FBXL17: variants seen among roughly 807,000 people sequenced by gnomAD.
FBXL17 encodes F-box/LRR-repeat protein 17.
In FBXL17, 22 loss-of-function variants were observed where a neutral mutation model predicts 66.2. The observed-to-expected ratio is 0.33, with a 90% CI of 0.24 to 0.47. FBXL17 has a LOEUF of 0.47. Ranked by LOEUF, FBXL17 falls within the 20% of genes least tolerant of loss-of-function variation. The pLI, the probability that FBXL17 is intolerant of heterozygous loss-of-function variation, is 1.00. For synonymous variants in FBXL17, 474 were observed against 400.5 expected (o/e 1.18, Z -2.19); for missense variants, 878 against 948.2 (o/e 0.93, Z 0.97).
At chr5:108,248,367 T>C (rs377719424) in intron 4 of FBXL17, among the ~76,000 whole-genome samples, 3 of 150,620 alleles carry the variant, frequency 2.0e-5, no homozygotes, top group Admixed American at 1.3e-4. Context: ...GACAGAGGAG[T>C]CAGTGAACCT....
At chr5:108,004,418 AATC>A (rs1417814781) in intron 7 of FBXL17, among the ~76,000 whole-genome samples, 33 of 152,210 alleles carry the variant, frequency 2.2e-4, no homozygotes, top group African/African-American at 8.0e-4. Flanking sequence ...ATATTTCTAA[AATC>A]ATTACATGAT....
chr5:108,366,028 T>C (rs1580899410), intron 2 of FBXL17, among the ~76,000 whole-genome samples: 1 of 152,284 alleles, frequency 6.6e-6, no homozygotes, highest in South Asian at 2.1e-4. Context: ...TAATGTTATA[T>C]GAAAATTCAC....
At chr5:108,096,073 T>C (rs1321904446) in intron 6 of FBXL17, among the ~76,000 whole-genome samples, 2 of 152,228 alleles carry the variant, frequency 1.3e-5, no homozygotes, top group African/African-American at 2.4e-5. Flanking sequence ...AAAACTGTTA[T>C]ACGCTTGTTT....
At chr5:108,040,231 T>C (rs1430989429) in intron 6 of FBXL17, among the ~76,000 whole-genome samples, 6 of 152,240 alleles carry the variant, frequency 3.9e-5, no homozygotes, top group South Asian at 2.1e-4. Flanking sequence ...AACAGCTTAC[T>C]TGTGAAAAAG....
At chr5:108,145,547 C>G (rs1242003701) in intron 6 of FBXL17, among the ~76,000 whole-genome samples, 1 of 152,122 alleles carries the variant, frequency 6.6e-6, no homozygotes, top group African/African-American at 2.4e-5. Context: ...CTTTCATTTA[C>G]TAACGCAGAA....
chr5:108,239,656 G>C (rs1474656623), intron 4 of FBXL17, among the ~76,000 whole-genome samples: 1 of 152,112 alleles, frequency 6.6e-6, no homozygotes, highest in Non-Finnish European at 1.5e-5. Flanking sequence ...TCCTAAGCAA[G>C]TCTTGTGCTG....
chr5:108,321,443 T>A (rs969464128), intron 4 of FBXL17, among the ~76,000 whole-genome samples: 1 of 151,820 alleles, frequency 6.6e-6, no homozygotes, highest in Admixed American at 6.6e-5. Context: ...CAGAAGATCT[T>A]TCCATACTGT....
chr5:107,932,845 C>G (rs1750776517), intron 7 of FBXL17, among the ~76,000 whole-genome samples: 1 of 148,940 alleles, frequency 6.7e-6, no homozygotes, highest in Non-Finnish European at 1.5e-5. Context: ...CCATCACTGC[C>G]AAAACCAACG....
intron 6 of FBXL17, among the ~76,000 whole-genome samples, chr5:108,143,001 T>A (rs1467740023): frequency 6.6e-6 from 1 of 150,732 alleles, no homozygotes; most frequent in Non-Finnish European, 1.5e-5. Flanking sequence ...ATAATAATAA[T>A]AAAAGATTCT....
intron 6 of FBXL17, among the ~76,000 whole-genome samples, chr5:108,101,946 A>G (rs927302597): frequency 2.6e-5 from 4 of 152,194 alleles, no homozygotes; most frequent in African/African-American, 9.6e-5. Context: ...AAAGTGGCAC[A>G]TTTGACAGAG....
At chr5:107,977,942 G>T (rs143700877) in intron 7 of FBXL17, among the ~76,000 whole-genome samples, 81 of 152,294 alleles carry the variant, frequency 5.3e-4, no homozygotes, top group African/African-American at 1.9e-3. Context: ...AAAGCTAGCT[G>T]GAGACCCATG....
intron 7 of FBXL17, among the ~76,000 whole-genome samples, chr5:108,003,286 T>TGAAACTGAAAGTAGTCCAAACTGCCCAA (rs1334841729): frequency 6.6e-6 from 1 of 152,118 alleles, no homozygotes; most frequent in South Asian, 2.1e-4. Flanking sequence ...GCCCAAGAAC[T>TGAAACTGAAAGTAGTCCAAACTGCCCAA]GAAACTGAAA....
chr5:108,165,250 A>G (rs529861849), intron 6 of FBXL17, among the ~76,000 whole-genome samples: 3 of 152,194 alleles, frequency 2.0e-5, no homozygotes, highest in Non-Finnish European at 4.4e-5. Flanking sequence ...AGTGACAGGC[A>G]CCAATTGCAA....
chr5:108,186,280 G>A (rs1440147718), intron 5 of FBXL17, 33 bp from the exon 6 acceptor site: 1 of 1,589,920 alleles, frequency 6.3e-7, no homozygotes, highest in Non-Finnish European at 8.6e-7. Flanking sequence ...AGATGAAAAA[G>A]GTAAATGCTA....
chr5:107,912,632 C>T (rs1580706383), intron 7 of FBXL17, among the ~76,000 whole-genome samples: 1 of 152,032 alleles, frequency 6.6e-6, no homozygotes, highest in African/African-American at 2.4e-5. Context: ...TGGGTACATA[C>T]ATATAAATAT....
At chr5:108,074,571 T>C (rs1748471735) in intron 6 of FBXL17, among the ~76,000 whole-genome samples, 1 of 152,138 alleles carries the variant, frequency 6.6e-6, no homozygotes. Context: ...CCTTTTAAAG[T>C]ACACATGAAA....
intron 6 of FBXL17, among the ~76,000 whole-genome samples, chr5:108,101,975 A>C (rs1032874099): frequency 1.3e-5 from 2 of 152,204 alleles, no homozygotes; most frequent in East Asian, 1.9e-4. Context: ...GAATGGGTTC[A>C]CAGGTTCCCA....
At chr5:108,375,417 A>C (rs997120186) in intron 1 of FBXL17, among the ~76,000 whole-genome samples, 1 of 151,720 alleles carries the variant, frequency 6.6e-6, no homozygotes, top group African/African-American at 2.4e-5. Flanking sequence ...ACTAAGAATA[A>C]AGAGAGAAGA....
intron 7 of FBXL17, among the ~76,000 whole-genome samples, chr5:108,007,945 T>C (rs1325275778): frequency 2.0e-5 from 3 of 152,342 alleles, no homozygotes; most frequent in South Asian, 2.1e-4. Context: ...TGATGGATAA[T>C]GTTTACATGT....
Sources: gnomAD v4.1 joint callset for allele counts (sites outside exome capture counted in the v4.1 genomes callset) on GRCh38, gnomAD v4.1.1 for gene constraint, MANE v1.5 for transcripts, NCBI Gene and HGNC (gene_info 2026-07-23, HGNC 2026-07-21) for gene names.